Variants in SLC66A1 observed in about 807,000 individuals in gnomAD.
SLC66A1 encodes the protein lysosomal amino acid transporter 1 homolog.
In SLC66A1, 23 loss-of-function variants were observed where a neutral mutation model predicts 33.0. The observed-to-expected ratio is 0.70, with a 90% CI of 0.50 to 0.99. SLC66A1 has a LOEUF of 0.99. Ranked by LOEUF, SLC66A1 falls within the 50% of genes least tolerant of loss-of-function variation. SLC66A1 has a pLI of 0.00. For synonymous variants in SLC66A1, 164 were observed against 175.5 expected (o/e 0.93, Z 0.52); for missense variants, 335 against 383.6 (o/e 0.87, Z 1.06).
downstream of SLC66A1, among the ~76,000 whole-genome samples, chr1:19,333,899 C>CAAACAAAACAAAACAAAACAAAACA (rs71008144): frequency 5.1e-5 from 5 of 98,336 alleles, no homozygotes; most frequent in Middle Eastern, 4.2e-3. The surrounding 1 kb of genome is among the most constrained non-coding windows in gnomAD (Gnocchi z 4.2). Flanking sequence ...GACCTTGTCT[C>CAAACAAAACAAAACAAAACAAAACA]AAACAAAACA....
At position 19,328,776 on chromosome 1, in the gene SLC66A1, C is replaced by A; in HGVS notation, c.*133C>A. On this transcript the variant is annotated 3_prime_UTR_variant, in exon 8 of 8. Coordinates refer to ENST00000375153, the MANE Select transcript of SLC66A1 (RefSeq NM_001040125.2). The surrounding 1 kb of genome is among the most constrained non-coding windows in gnomAD (Gnocchi z 4.7). ...CCTCTGGATCCTCCGTGGACCGAAC[C>A]GTCCCCCCAGGAACACACCTTCAGG... The A allele has an allele frequency of 1.0e-6, 1 of 977,696 alleles. No individual in the cohort carries two copies. Among genetic ancestry groups the A allele is most frequent in the South Asian group, 1.5e-5 (1 of 64,890 alleles). 60.6% of individuals were successfully genotyped at this position (977,696 alleles called of 1,614,324 possible). A position where few individuals can be genotyped will look rare whatever the true frequency, so the allele number is the denominator to read the frequency against.
In SLC66A1 at chr1:19,312,429, T is replaced by G. The variant is rs1028768096; in HGVS notation, c.-539T>G. 3 of 195,202 alleles carry G rather than the reference T, an allele frequency of 1.5e-5. No homozygotes were observed. Among genetic ancestry groups the G allele is most frequent in the Non-Finnish European group, 3.1e-5 (3 of 96,808 alleles). 12.1% of individuals were successfully genotyped at this position (195,202 alleles called of 1,614,324 possible). A position where few individuals can be genotyped will look rare whatever the true frequency, so the allele number is the denominator to read the frequency against. The stretch of plus-strand genomic sequence containing the variant: ...GGGGCTCCTGGGCTTCCCTGCCACA[T>G]CCTTCCAGCCCTCTCCTCCGGCCGC... On this transcript the variant is annotated 5_prime_UTR_variant, in exon 1 of 8. Transcript: ENST00000375153.
At chr1:19,313,204 A>G (rs1199054330) in intron 1 of SLC66A1, 2 of 985,282 alleles carry the variant, frequency 2.0e-6, no homozygotes, top group African/African-American at 1.7e-5. Context: ...CCAGACTGGT[A>G]GGCATCGGGC....
chr1:19,316,674 G>A (rs1294433732), intron 1 of SLC66A1, among the ~76,000 whole-genome samples: 1 of 139,070 alleles, frequency 7.2e-6, no homozygotes, highest in Non-Finnish European at 1.5e-5. Flanking sequence ...CCCTTATTTT[G>A]TTGTTGTTTT....
chr1:19,331,157 G>T (rs544896676), downstream of SLC66A1, among the ~76,000 whole-genome samples: 51 of 152,244 alleles, frequency 3.3e-4, no homozygotes, highest in Non-Finnish European at 6.0e-4. Flanking sequence ...GATTACAGGC[G>T]CCTGCCGCCA....
At chr1:19,320,277 C>T (rs2093827744) in intron 2 of SLC66A1, among the ~76,000 whole-genome samples, 1 of 151,968 alleles carries the variant, frequency 6.6e-6, no homozygotes, top group African/African-American at 2.4e-5. Flanking sequence ...TTTCTGGGTC[C>T]TATGTTAACT....
chr1:19,330,050 C>T (rs1337163541), downstream of SLC66A1, among the ~76,000 whole-genome samples: 1 of 152,186 alleles, frequency 6.6e-6, no homozygotes, highest in East Asian at 1.9e-4. Context: ...TCACTGCAGC[C>T]TCGAACTCCT....
chr1:19,331,783 A>C (rs1382701526), downstream of SLC66A1, among the ~76,000 whole-genome samples: 1 of 152,236 alleles, frequency 6.6e-6, no homozygotes, highest in East Asian at 1.9e-4. Context: ...ATGAGCCCCA[A>C]GTGTGGTCCT....
rs778944456 is a variant in SLC66A1, at chr1:19,326,601, G to A, written c.596G>A (p.Arg199Gln). ...SISSVLYLLS[R>Q]LPQIRTNFLR... The stretch of plus-strand genomic sequence containing the variant: ...TCCAGCGTGTTGTACCTGCTTTCCC[G>A]GCTGCCTCAGATCCGCACCAACGTG... Residue 199 changes from arginine to glutamine, a missense_variant, in exon 6 of 8, where the codon CGG becomes CAG. Physicochemically the swap from Arg to Gln is conservative, Grantham distance 43 (BLOSUM62 1). Transcript: ENST00000375153. 8 of 1,614,074 alleles carry A rather than the reference G, an allele frequency of 5.0e-6. No homozygotes were observed. The highest frequency in any genetic ancestry group is 1.6e-4 in the Middle Eastern group (1 of 6,084).
At position 19,328,268 on chromosome 1, in the gene SLC66A1, A is replaced by C. The variant is rs1023199580; in HGVS notation, c.805-304A>C. Among the ~76,000 whole-genome samples, 1 of 152,150 alleles carries C rather than the reference A, an allele frequency of 6.6e-6. No individual in the cohort carries two copies. Among genetic ancestry groups the C allele is most frequent in the African/African-American group, 2.4e-5 (1 of 41,422 alleles). On this transcript the variant is annotated intron_variant, in intron 7 of 7. Transcript: ENST00000375153. This position sits in a 1 kb window ranked among gnomAD's most constrained non-coding sequence, Gnocchi z 4.7. ...GCCCAGCCACCTGGAAGCCTCCAGG[A>C]CGCCACAGCTGAGAGCAAGCGAAGA...
chr1:19,326,046 C>T (rs551082057), intron 4 of SLC66A1, among the ~76,000 whole-genome samples, 199 bp from the exon 5 acceptor site: 2 of 152,328 alleles, frequency 1.3e-5, no homozygotes, highest in Admixed American at 6.5e-5. Context: ...CTGCCCTCAG[C>T]GTTTCACCTT....
At chr1:19,325,609 G>C (rs777453327) in intron 4 of SLC66A1, 27 bp downstream of exon 4, 1 of 1,394,798 alleles carries the variant, frequency 7.2e-7, no homozygotes, top group South Asian at 1.2e-5. Flanking sequence ...CTCTCTGTCA[G>C]ATGCTCTACC....
downstream of SLC66A1, among the ~76,000 whole-genome samples, chr1:19,331,184 G>A (rs1569819608): frequency 6.6e-6 from 1 of 152,154 alleles, no homozygotes; most frequent in South Asian, 2.1e-4. Flanking sequence ...GCTAATTTTT[G>A]TATTTTTAGT....
At chr1:19,326,747 G>T in intron 6 of SLC66A1, 124 bp downstream of exon 6, 3 of 1,050,172 alleles carry the variant, frequency 2.9e-6, no homozygotes, top group Non-Finnish European at 4.2e-6. Context: ...GTCTACTCCC[G>T]CTGTTGGCTT....
chr1:19,324,443 A>G (rs2093852631), intron 2 of SLC66A1, among the ~76,000 whole-genome samples, 190 bp from the exon 3 acceptor site: 1 of 152,226 alleles, frequency 6.6e-6, no homozygotes, highest in Non-Finnish European at 1.5e-5. Context: ...GGGATTCCCC[A>G]GGGGACTCCT....
Position 19,324,719 on chromosome 1 carries a change from G to A in SLC66A1, c.251G>A (p.Cys84Tyr). 6.2e-7 allele frequency: 1 copy of A among 1,614,164 alleles called. No individual in the cohort carries two copies. Among genetic ancestry groups the A allele is most frequent in the Non-Finnish European group, 8.5e-7 (1 of 1,180,010 alleles). The change falls in exon 3 of 8, where the codon TGC becomes TAC. Residue 84 changes from cysteine (C) to tyrosine (Y), a missense_variant. Coordinates refer to ENST00000375153, the MANE Select transcript of SLC66A1 (RefSeq NM_001040125.2). ...FLLGWIGGDS[C>Y]NLIGSFLADQ... Reference sequence around the variant, plus strand: ...CTGGGCTGGATTGGCGGAGACTCCTGCAACCTCATCGGCTCCTTCCTTGCT... The same window carrying A: ...CTGGGCTGGATTGGCGGAGACTCCTACAACCTCATCGGCTCCTTCCTTGCT...
chr1:19,321,204 T>C (rs56208002), intron 2 of SLC66A1, among the ~76,000 whole-genome samples: 29,025 of 119,534 alleles, frequency 0.24, 3,818 homozygotes, highest in South Asian at 0.29. Flanking sequence ...GACACGGTCA[T>C]ACTCTGTCCC....
At position 19,317,669 on chromosome 1, in the gene SLC66A1, T is replaced by C. The variant is rs888271070; in HGVS notation, c.-9T>C. 1 of 1,613,504 alleles carries C rather than the reference T, an allele frequency of 6.2e-7. No homozygotes were observed. Among genetic ancestry groups the C allele is most frequent in the African/African-American group, 1.3e-5 (1 of 74,900 alleles). On this transcript the variant is annotated 5_prime_UTR_variant, in exon 2 of 8. Transcript: ENST00000375153. ...GCCCTGCCTGGCCGGGGGCCCCTCCTCCACAGCCATGGTCTGGAAGAAACT... is the reference window on the plus strand; with the variant it reads ...GCCCTGCCTGGCCGGGGGCCCCTCCCCCACAGCCATGGTCTGGAAGAAACT...
chr1:19,321,435 C>T (rs1313317907), intron 2 of SLC66A1, among the ~76,000 whole-genome samples: 4 of 149,754 alleles, frequency 2.7e-5, no homozygotes, highest in South Asian at 4.2e-4. Context: ...CTGTCTCAGC[C>T]TCCAAAGTGT....
Sources: gnomAD v4.1 joint callset for allele counts (sites outside exome capture counted in the v4.1 genomes callset) on GRCh38, gnomAD v4.1.1 for gene constraint, Gnocchi (gnomAD v3.1) non-coding constraint, MANE v1.5 for transcripts, NCBI Gene and HGNC (gene_info 2026-07-23, HGNC 2026-07-21) for gene names.